ITGA9: variants seen among roughly 807,000 people sequenced by gnomAD.
ITGA9 encodes the protein integrin alpha-9.
In ITGA9, 56 loss-of-function variants were observed where a neutral mutation model predicts 127.8. The ratio of observed to expected loss-of-function variants is 0.44; its 90% CI spans 0.35 to 0.55. The LOEUF (loss-of-function observed/expected upper bound fraction) is 0.55. ITGA9 is among the 20% of genes least tolerant of loss of function. The pLI is 0.00. For synonymous variants in ITGA9, 508 were observed against 514.5 expected (o/e 0.99, Z 0.17); for missense variants, 1,196 against 1,347.1 (o/e 0.89, Z 1.76).
chr3:37,598,428 A>G (rs1385463215), intron 15 of ITGA9, among the ~76,000 whole-genome samples: 2 of 152,146 alleles, frequency 1.3e-5, no homozygotes, highest in Admixed American at 1.3e-4. Flanking sequence ...AAATTTCTGT[A>G]GGAAGGGAGA....
At chr3:37,713,989 C>T (rs1420751863) in intron 18 of ITGA9, among the ~76,000 whole-genome samples, 1 of 152,242 alleles carries the variant, frequency 6.6e-6, no homozygotes, top group Non-Finnish European at 1.5e-5. Flanking sequence ...CCTCCCTCTG[C>T]AGCCTGTGCA....
At chr3:37,714,467 A>G (rs528779820) in intron 18 of ITGA9, among the ~76,000 whole-genome samples, 2 of 152,300 alleles carry the variant, frequency 1.3e-5, no homozygotes, top group Admixed American at 1.3e-4. Flanking sequence ...CGGGCCCTGC[A>G]GACTTCTCAG....
chr3:37,614,544 A>G (rs1448078210), intron 15 of ITGA9, among the ~76,000 whole-genome samples: 1 of 150,950 alleles, frequency 6.6e-6, no homozygotes, highest in African/African-American at 2.4e-5. Flanking sequence ...GAATCTATAA[A>G]TTACCTTGGG....
intron 16 of ITGA9, among the ~76,000 whole-genome samples, chr3:37,643,624 T>C (rs1488246458): frequency 2.0e-5 from 3 of 152,220 alleles, no homozygotes; most frequent in South Asian, 2.1e-4. Flanking sequence ...TCCTGTCCTA[T>C]TGAAAACCTT....
intron 17 of ITGA9, among the ~76,000 whole-genome samples, chr3:37,683,222 G>C (rs1362971649): frequency 1.3e-5 from 2 of 152,054 alleles, no homozygotes; most frequent in East Asian, 3.9e-4. Flanking sequence ...CCCACCTCAG[G>C]ACTTCTCCTT....
chr3:37,718,484 T>C (rs1352106490), intron 18 of ITGA9, among the ~76,000 whole-genome samples: 1 of 152,164 alleles, frequency 6.6e-6, no homozygotes, highest in Non-Finnish European at 1.5e-5. Context: ...ATTTTTTTTC[T>C]CACATACTCT....
chr3:37,555,133 C>T (rs1699417997), intron 15 of ITGA9, among the ~76,000 whole-genome samples: 1 of 152,208 alleles, frequency 6.6e-6, no homozygotes, highest in African/African-American at 2.4e-5. Context: ...ATGTGTTTTT[C>T]ATGCAGGAAG....
chr3:37,460,398 A>G (rs550706301), intron 1 of ITGA9, among the ~76,000 whole-genome samples: 33 of 152,340 alleles, frequency 2.2e-4, no homozygotes, highest in East Asian at 2.1e-3. Flanking sequence ...CAAAATGACA[A>G]TAGTCAACAA....
chr3:37,497,592 T>G (rs1475711601), intron 5 of ITGA9, among the ~76,000 whole-genome samples: 1 of 152,234 alleles, frequency 6.6e-6, no homozygotes, highest in Non-Finnish European at 1.5e-5. Flanking sequence ...TGATAGAAAC[T>G]AACTACGTTA....
intron 15 of ITGA9, among the ~76,000 whole-genome samples, chr3:37,626,307 A>G (rs1247442722): frequency 6.6e-6 from 1 of 152,154 alleles, no homozygotes; most frequent in Non-Finnish European, 1.5e-5. Flanking sequence ...TTCACTTGCT[A>G]GCTTTGGGAT....
At chr3:37,785,370 T>C (rs1697027389) in intron 26 of ITGA9, among the ~76,000 whole-genome samples, 1 of 152,236 alleles carries the variant, frequency 6.6e-6, no homozygotes, top group Non-Finnish European at 1.5e-5. Flanking sequence ...CAGAGTTGGA[T>C]TTCCACTGTG....
Position 37,685,521 on chromosome 3 carries a change from C to T in ITGA9, c.2067+1506C>T, listed in dbSNP as rs1056335251. On this transcript the variant is annotated intron_variant, in intron 18 of 27. Coordinates refer to ENST00000264741, the MANE Select transcript of ITGA9 (RefSeq NM_002207.3). ...CTGGCCACACACACAGTATCTTTTA[C>T]AGAATCGCATGTGCTGTGATGCCAT... Among the ~76,000 whole-genome samples, 3 of 152,284 alleles carry T rather than the reference C, an allele frequency of 2.0e-5. No homozygotes were observed. In the East Asian group the frequency reaches 5.8e-4, roughly 29 times the overall value.
At chr3:37,669,838 C>G (rs919988821) in intron 17 of ITGA9, among the ~76,000 whole-genome samples, 1 of 152,114 alleles carries the variant, frequency 6.6e-6, no homozygotes, top group Non-Finnish European at 1.5e-5. Context: ...AGAGGACTTT[C>G]CAGACCCAAG....
At chr3:37,454,732 G>T (rs1032748831) in intron 1 of ITGA9, among the ~76,000 whole-genome samples, 1 of 152,072 alleles carries the variant, frequency 6.6e-6, no homozygotes, top group Non-Finnish European at 1.5e-5. Context: ...CTTAGATTGT[G>T]TTCTCCCCTT....
intron 17 of ITGA9, among the ~76,000 whole-genome samples, chr3:37,678,014 C>T (rs144626875): frequency 2.0e-5 from 3 of 152,124 alleles, no homozygotes; most frequent in Non-Finnish European, 4.4e-5. Context: ...GGTATGATTT[C>T]CATGATTGAG....
intron 18 of ITGA9, among the ~76,000 whole-genome samples, chr3:37,687,335 G>A (rs1277898686): frequency 6.6e-6 from 1 of 152,164 alleles, no homozygotes. Flanking sequence ...ATGCGGAGGT[G>A]TTTTTGAGAG....
chr3:37,549,520 A>G (rs1392045703), intron 15 of ITGA9, among the ~76,000 whole-genome samples: 1 of 152,196 alleles, frequency 6.6e-6, no homozygotes, highest in Non-Finnish European at 1.5e-5. Context: ...CTTTCTATTT[A>G]CAGTTATTCA....
In ITGA9 at chr3:37,582,734, C is replaced by T. The variant is rs189796548; in HGVS notation, c.1689+40149C>T. Among the ~76,000 whole-genome samples, 232 of 152,274 alleles carry T rather than the reference C, an allele frequency of 1.5e-3. 1 individual carries two copies. The Middle Eastern group carries it at 0.034, about 22-fold the overall frequency. The stretch of plus-strand genomic sequence containing the variant: ...AGTTGGAGAAATAACAGTGTGACTT[C>T]TCCAAGACTGATTGGCTGATTTTTG... On this transcript the variant is annotated intron_variant, in intron 15 of 27. Transcript: ENST00000264741.
intron 11 of ITGA9, among the ~76,000 whole-genome samples, chr3:37,520,100 G>A (rs141114062): frequency 1.4e-3 from 213 of 152,300 alleles, no homozygotes; most frequent in Non-Finnish European, 2.3e-3. Context: ...CTACTCATAT[G>A]TATTTGTATT....
Sources: gnomAD v4.1 joint callset for allele counts (sites outside exome capture counted in the v4.1 genomes callset) on GRCh38, gnomAD v4.1.1 for gene constraint, MANE v1.5 for transcripts, NCBI Gene and HGNC (gene_info 2026-07-23, HGNC 2026-07-21) for gene names.